Variants in OVCH1 observed in about 807,000 individuals in gnomAD.
OVCH1 encodes ovochymase 1, also known as ovochymase-1.
In OVCH1, 139 loss-of-function variants were observed where a neutral mutation model predicts 138.4. That is an observed-to-expected ratio of 1.00 (90% CI 0.87 to 1.16). The LOEUF is 1.16. OVCH1 is among the 50% of genes most tolerant of loss of function. OVCH1 has a pLI of 0.00. For synonymous variants in OVCH1, 453 were observed against 467.8 expected (o/e 0.97, Z 0.41); for missense variants, 1,367 against 1,357.9 (o/e 1.01, Z -0.11).
chr12:29,427,616 C>T lies in OVCH1; in HGVS notation c.3360G>A (p.Val1120=), dbSNP rs1941200355. The T allele has an allele frequency of 1.9e-6, 3 of 1,551,334 alleles. No individual in the cohort carries two copies. In the East Asian group the frequency reaches 7.3e-5, roughly 38 times the overall value. The stretch of plus-strand genomic sequence containing the variant: ...CCTTAGCAGGCACCAAATCTGCTGG[C>T]ACCTGGATCCTGGACTTCTCAGCCT... Residue 1120 remains valine (V), a synonymous_variant, in exon 28 of 28, where the codon GTG becomes GTA. Coordinates refer to ENST00000318184, the Ensembl canonical transcript of OVCH1.
downstream of OVCH1, among the ~76,000 whole-genome samples, chr12:29,426,820 A>T (rs1941186865): frequency 6.6e-6 from 1 of 152,220 alleles, no homozygotes; most frequent in African/African-American, 2.4e-5. Context: ...TTCTGCAATG[A>T]TGGAGCTTTC....
chr12:29,407,542 A>G (rs1204902704), downstream of OVCH1, among the ~76,000 whole-genome samples: 3 of 149,938 alleles, frequency 2.0e-5, no homozygotes. Flanking sequence ...CAGTTTTCCC[A>G]GCACCATTTA....
chr12:29,464,107 G>A lies in OVCH1; in HGVS notation c.2125+400C>T, dbSNP rs559814820. ...TCCAAAGAATGATATTTCATGACAC[G>A]TGCACATTAAATGAAATTTAAATTT... On this transcript the variant is annotated intron_variant, in intron 18 of 27. Transcript: ENST00000318184. Among the ~76,000 whole-genome samples the A allele has an allele frequency of 1.2e-4, 19 of 152,238 alleles. 1 individual carries two copies. The highest frequency in any genetic ancestry group is 4.1e-4 in the South Asian group (2 of 4,828).
intron 8 of OVCH1, 149 bp downstream of exon 8, chr12:29,486,101 C>T: frequency 1.4e-6 from 1 of 695,236 alleles, no homozygotes; most frequent in Non-Finnish European, 2.3e-6. Flanking sequence ...ATGTTGGAGC[C>T]TATGTATGAA....
At chr12:29,468,758 G>C (rs967465031) in intron 16 of OVCH1, among the ~76,000 whole-genome samples, 4 of 152,112 alleles carry the variant, frequency 2.6e-5, no homozygotes, top group Non-Finnish European at 4.4e-5. Context: ...CTCATGTTTA[G>C]CTTGATGTAG....
chr12:29,425,904 GTCC>G (rs1941172748), downstream of OVCH1: 1 of 152,102 alleles, frequency 6.6e-6, no homozygotes, highest in Admixed American at 6.6e-5. Flanking sequence ...TGCCCAGGAT[GTCC>G]ACACCCTTCT....
intron 3 of OVCH1, among the ~76,000 whole-genome samples, chr12:29,414,274 C>T (rs149967470): frequency 3.3e-5 from 5 of 152,124 alleles, no homozygotes; most frequent in African/African-American, 2.4e-5. Flanking sequence ...GATCCACCCC[C>T]CTCAGCCTCC....
chr12:29,462,687 T>C (rs562885128), intron 18 of OVCH1, among the ~76,000 whole-genome samples: 1 of 152,122 alleles, frequency 6.6e-6, no homozygotes, highest in African/African-American at 2.4e-5. Context: ...TTATATAGTA[T>C]CTTAATATTT....
chr12:29,431,975 A>G (rs1439169527), intron 27 of OVCH1, among the ~76,000 whole-genome samples: 1 of 152,234 alleles, frequency 6.6e-6, no homozygotes, highest in Non-Finnish European at 1.5e-5. Context: ...ACTCTGCCTT[A>G]GCTGAAATGT....
chr12:29,476,459 C>T (rs75900857), intron 12 of OVCH1, among the ~76,000 whole-genome samples, 160 bp from the exon 13 acceptor site: 23 of 152,178 alleles, frequency 1.5e-4, no homozygotes, highest in East Asian at 5.8e-4. Flanking sequence ...AATTTGGCAA[C>T]GACTACCAGG....
exon 8 of OVCH1, chr12:29,486,319 C>T: frequency 1.2e-6 from 2 of 1,613,730 alleles, no homozygotes; most frequent in Non-Finnish European, 1.7e-6. Flanking sequence ...CTTGAGCCCA[C>T]TTTTGAGAGG....
chr12:29,492,733 C>T (rs778454641), intron 4 of OVCH1, among the ~76,000 whole-genome samples: 53 of 151,970 alleles, frequency 3.5e-4, no homozygotes, highest in Non-Finnish European at 7.4e-4. Flanking sequence ...AATTATTGAT[C>T]CTGGATGAGG....
chr12:29,488,570 G>C (rs958004334), intron 6 of OVCH1, among the ~76,000 whole-genome samples: 1 of 128,748 alleles, frequency 7.8e-6, no homozygotes, highest in Non-Finnish European at 1.5e-5. Context: ...CGTGAGCCAA[G>C]ATTGCGCCAT....
intron 24 of OVCH1, 131 bp downstream of exon 24, chr12:29,444,014 G>C: frequency 2.1e-6 from 2 of 965,102 alleles, no homozygotes. Flanking sequence ...ATAGATTAGG[G>C]GTTACCTAAG....
At chr12:29,433,955 G>C in intron 26 of OVCH1, 1 of 635,302 alleles carries the variant, frequency 1.6e-6, no homozygotes, top group African/African-American at 1.9e-5. Context: ...GAGTGTGAAT[G>C]GATTAATCTT....
chr12:29,489,599 G>A, intron 6 of OVCH1, 21 bp downstream of exon 6: 2 of 1,590,170 alleles, frequency 1.3e-6, no homozygotes, highest in Non-Finnish European at 1.7e-6. Flanking sequence ...TGAACAGCTA[G>A]GCTGGTTTAC....
At chr12:29,457,426 CAG>C (rs1185167577) in intron 19 of OVCH1, among the ~76,000 whole-genome samples, 9 of 99,792 alleles carry the variant, frequency 9.0e-5, no homozygotes, top group Non-Finnish European at 1.6e-4. Flanking sequence ...TTTGGTGAGA[CAG>C]AGTCTTGCTC....
At chr12:29,450,408 T>C (rs1941751067) in intron 22 of OVCH1, among the ~76,000 whole-genome samples, 1 of 152,124 alleles carries the variant, frequency 6.6e-6, no homozygotes, top group Non-Finnish European at 1.5e-5. Flanking sequence ...AACAAACATT[T>C]GAAAAAAAGC....
In OVCH1 at chr12:29,465,298, CTG is replaced by C. The variant is rs1158374641; in HGVS notation, c.1857-81_1857-80del. 3 of 1,190,532 alleles carry C rather than the reference CTG, an allele frequency of 2.5e-6. No individual in the cohort carries two copies. The Admixed American group carries it at 8.1e-5, about 32-fold the overall frequency. The allele number at this position is 1,190,532 out of a possible 1,614,324, so 73.7% of individuals were successfully genotyped here. Reference sequence around the variant, plus strand: ...TGTTCTCACACTGCTATAAAGGACTCTGAGACTATAAAGTCTTTCTGAAGACG... The same window carrying C: ...TGTTCTCACACTGCTATAAAGGACTCAGACTATAAAGTCTTTCTGAAGACG... On this transcript the variant is annotated intron_variant, in intron 16 of 27. Transcript: ENST00000318184.
Sources: gnomAD v4.1 joint callset for allele counts (sites outside exome capture counted in the v4.1 genomes callset) on GRCh38, gnomAD v4.1.1 for gene constraint, MANE v1.5 for transcripts, NCBI Gene and HGNC (gene_info 2026-07-23, HGNC 2026-07-21) for gene names.